Variants in ADAMTS6 observed in about 807,000 individuals in gnomAD.
ADAMTS6 encodes ADAM metallopeptidase with thrombospondin type 1 motif 6.
In ADAMTS6, 23 loss-of-function variants were observed where a neutral mutation model predicts 144.3. That is an observed-to-expected ratio of 0.16 (90% CI 0.11 to 0.23). ADAMTS6 has a LOEUF of 0.23. Among genes scored for constraint, ADAMTS6 ranks in the 10% least tolerant of loss-of-function variants. ADAMTS6 has a pLI of 1.00. For synonymous variants in ADAMTS6, 444 were observed against 457.5 expected (o/e 0.97, Z 0.38); for missense variants, 999 against 1,379.6 (o/e 0.72, Z 4.37).
At chr5:65,434,810 C>G (rs930932750) in intron 7 of ADAMTS6, among the ~76,000 whole-genome samples, 2 of 152,172 alleles carry the variant, frequency 1.3e-5, no homozygotes, top group African/African-American at 2.4e-5. Flanking sequence ...GGTAAAATCA[C>G]ATTGTAGAGC....
chr5:65,371,015 C>A lies in ADAMTS6; in HGVS notation c.1074-36930G>T, dbSNP rs185571217. Among the ~76,000 whole-genome samples the A allele has an allele frequency of 1.6e-3, 245 of 152,278 alleles. 2 individuals are homozygous for A. Among genetic ancestry groups the A allele is most frequent in the African/African-American group, 5.5e-3 (230 of 41,572 alleles). ...GGAGGCACCCCCCAGCAGGGGCACA[C>A]TGACACCTCACATGGCCGGGTACTC... On this transcript the variant is annotated intron_variant, in intron 7 of 24. Coordinates refer to ENST00000381055, the MANE Select transcript of ADAMTS6 (RefSeq NM_197941.4).
rs546898897 is a variant in ADAMTS6 at position 65,268,939 on chromosome 5, A to G, written c.1620+4401T>C. On this transcript the variant is annotated intron_variant, in intron 12 of 24. Transcript: ENST00000381055. ...CCCTTTTAAAAAAAGATTTATTCAG[A>G]AAACTATGAGCAGCTTTGGTTTTAT... Among the ~76,000 whole-genome samples the G allele has an allele frequency of 3.3e-5, 5 of 152,308 alleles. No homozygotes were observed. The East Asian group carries it at 9.6e-4, about 29-fold the overall frequency.
intron 23 of ADAMTS6, among the ~76,000 whole-genome samples, chr5:65,171,933 G>A (rs1306809956): frequency 6.6e-6 from 1 of 151,694 alleles, no homozygotes; most frequent in African/African-American, 2.4e-5. Context: ...TAATCTATGG[G>A]CCTGCCATCG....
chr5:65,364,053 G>A (rs921778283), intron 7 of ADAMTS6, among the ~76,000 whole-genome samples: 1 of 152,122 alleles, frequency 6.6e-6, no homozygotes, highest in African/African-American at 2.4e-5. Context: ...ATCACATGAA[G>A]ATTTGATAAG....
At chr5:65,152,134 T>C (rs1296871155) in intron 24 of ADAMTS6, among the ~76,000 whole-genome samples, 189 bp from the exon 25 acceptor site, 1 of 152,218 alleles carries the variant, frequency 6.6e-6, no homozygotes, top group African/African-American at 2.4e-5. Context: ...AAATATTCTT[T>C]TGATATATTT....
intron 10 of ADAMTS6, among the ~76,000 whole-genome samples, chr5:65,293,958 C>T (rs1742575643): frequency 6.6e-6 from 1 of 152,056 alleles, no homozygotes; most frequent in South Asian, 2.1e-4. Flanking sequence ...TAAAAATGAA[C>T]CAGCATTTAG....
In ADAMTS6 at chr5:65,188,136, G is replaced by A. The variant is rs1032747055; in HGVS notation, c.2790C>T (p.Ile930=). 6.8e-6 allele frequency: 11 copies of A among 1,613,974 alleles called. No individual in the cohort carries two copies. The highest frequency in any genetic ancestry group is 2.2e-5 in the East Asian group (1 of 44,900). ...RTRAVLCIRK[I]GPSEEETLDY... is the part of the protein sequence containing the mutation. ...CCAGCGTCTCCTCCTCAGAAGGTCC[G>A]ATCTTCCTGATGCAGAGCACTGCCC... Residue 930 remains isoleucine, a synonymous_variant, in exon 22 of 25, where the codon ATC becomes ATT. Coordinates refer to ENST00000381055, the MANE Select transcript of ADAMTS6 (RefSeq NM_197941.4).
intron 7 of ADAMTS6, among the ~76,000 whole-genome samples, chr5:65,398,717 G>A (rs1561500914): frequency 6.7e-6 from 1 of 148,798 alleles, no homozygotes; most frequent in Non-Finnish European, 1.5e-5. Flanking sequence ...GTCAGAAAGA[G>A]AGAAAGAGAG....
chr5:65,201,487 G>T (rs1165801072), intron 20 of ADAMTS6, among the ~76,000 whole-genome samples: 1 of 152,132 alleles, frequency 6.6e-6, no homozygotes, highest in African/African-American at 2.4e-5. Flanking sequence ...ACTTGAAAGG[G>T]TGACATGTGT....
intron 8 of ADAMTS6, among the ~76,000 whole-genome samples, chr5:65,331,272 T>C (rs1217597839): frequency 1.3e-5 from 2 of 152,078 alleles, no homozygotes; most frequent in Admixed American, 6.6e-5. Context: ...CCAAAATCTA[T>C]TATTCCATGG....
At chr5:65,299,690 T>C (rs1421116818) in intron 10 of ADAMTS6, among the ~76,000 whole-genome samples, 1 of 152,154 alleles carries the variant, frequency 6.6e-6, no homozygotes. Flanking sequence ...CTATGTGCTA[T>C]TAAATCATGC....
chr5:65,278,859 G>A (rs1393775226), intron 11 of ADAMTS6, among the ~76,000 whole-genome samples: 1 of 151,750 alleles, frequency 6.6e-6, no homozygotes, highest in Non-Finnish European at 1.5e-5. Context: ...GCATTTGAAG[G>A]TGTTAAAATT....
At chr5:65,439,782 G>A (rs1757728259) in intron 7 of ADAMTS6, among the ~76,000 whole-genome samples, 1 of 152,002 alleles carries the variant, frequency 6.6e-6, no homozygotes, top group Admixed American at 6.6e-5. Flanking sequence ...ACTGTACTGG[G>A]GTTATATAAG....
At chr5:65,212,172 T>G (rs1756575959) in intron 20 of ADAMTS6, among the ~76,000 whole-genome samples, 1 of 152,220 alleles carries the variant, frequency 6.6e-6, no homozygotes, top group South Asian at 2.1e-4. Flanking sequence ...CTAAATGATG[T>G]TGATGCTGCT....
intron 4 of ADAMTS6, among the ~76,000 whole-genome samples, chr5:65,457,106 G>T (rs1033781378): frequency 6.6e-6 from 1 of 151,198 alleles, no homozygotes; most frequent in Non-Finnish European, 1.5e-5. Context: ...AACACAAAAC[G>T]TTTTTTTTCC....
chr5:65,340,026 G>A (rs186359207), intron 7 of ADAMTS6, among the ~76,000 whole-genome samples: 16 of 152,176 alleles, frequency 1.1e-4, no homozygotes, highest in Admixed American at 6.5e-4. Flanking sequence ...CAGAAAGCTC[G>A]AATAACTCTA....
chr5:65,272,438 C>T (rs1414007446), intron 12 of ADAMTS6, among the ~76,000 whole-genome samples: 1 of 152,118 alleles, frequency 6.6e-6, no homozygotes, highest in Non-Finnish European at 1.5e-5. Flanking sequence ...GATCCTCCCA[C>T]TCGAGCTTCC....
chr5:65,162,521 A>G (rs1406805510), intron 24 of ADAMTS6, among the ~76,000 whole-genome samples: 1 of 151,900 alleles, frequency 6.6e-6, no homozygotes, highest in East Asian at 1.9e-4. Flanking sequence ...CTACTTCCTA[A>G]TCTTTAAACT....
In ADAMTS6 at chr5:65,470,979, A is replaced by C. The variant is rs1760391149; in HGVS notation, c.261T>G (p.Phe87Leu). Reference protein sequence around the residue: ...DPQQAVSKLFFKLSAYGKHFH... With the variant: ...DPQQAVSKLFLKLSAYGKHFH... ...AGTGCTTGCCATAGGCTGAAAGTTT[A>C]AAAAATAACTTAGATACTGCCTGCT... Residue 87 changes from phenylalanine (F) to leucine (L), a missense_variant, in exon 3 of 25, where the codon TTT becomes TTG. Phe to Leu is a conservative substitution (Grantham distance 22, BLOSUM62 0). This residue lies in a region of ADAMTS6 where 252 missense variants were observed against 293.7 expected (regional missense o/e 0.86). Coordinates refer to ENST00000381055, the MANE Select transcript of ADAMTS6 (RefSeq NM_197941.4). The C allele has an allele frequency of 1.2e-6, 2 of 1,613,092 alleles. No homozygotes were observed. Among genetic ancestry groups the C allele is most frequent in the Non-Finnish European group, 8.5e-7 (1 of 1,179,676 alleles).
Sources: allele counts gnomAD v4.1 joint callset (sites outside exome capture counted in the v4.1 genomes callset), GRCh38; gene constraint gnomAD v4.1.1; regional missense constraint gnomAD v4.1.1; transcripts MANE v1.5; gene names NCBI Gene and HGNC (gene_info 2026-07-23, HGNC 2026-07-21).